DLGAP1: variants seen among roughly 807,000 people sequenced by gnomAD.
DLGAP1 encodes the protein disks large-associated protein 1.
In DLGAP1, 11 loss-of-function variants were observed where a neutral mutation model predicts 90.8. The observed-to-expected ratio is 0.12, with a 90% CI of 0.08 to 0.20. The LOEUF (loss-of-function observed/expected upper bound fraction) is 0.20, where lower values mean the gene tolerates loss of function less well. DLGAP1 is among the 10% of genes least tolerant of loss of function. The pLI, the probability that DLGAP1 is intolerant of heterozygous loss-of-function variation, is 1.00. For missense variants in DLGAP1, 1,050 were observed against 1,333.8 expected (o/e 0.79, Z 3.31); for synonymous variants, 558 against 540.7 (o/e 1.03, Z -0.44).
chr18:4,374,229 G>T (rs1186657724), intron 1 of DLGAP1, among the ~76,000 whole-genome samples: 1 of 152,058 alleles, frequency 6.6e-6, no homozygotes, highest in Non-Finnish European at 1.5e-5. Context: ...ATGGAACAAT[G>T]CTTCCAAAAT....
At chr18:4,298,647 A>T (rs9959685) in intron 1 of DLGAP1, among the ~76,000 whole-genome samples, 32,657 of 151,804 alleles carry the variant, frequency 0.22, 3,619 homozygotes, top group African/African-American at 0.25. Flanking sequence ...AGGGGAGGGA[A>T]AGCATCGGGA....
chr18:3,792,924 CCTGCGGCA>C (rs1187354054), intron 5 of DLGAP1, among the ~76,000 whole-genome samples: 1 of 152,158 alleles, frequency 6.6e-6, no homozygotes, highest in East Asian at 1.9e-4. Flanking sequence ...TCTTCCTCCA[CCTGCGGCA>C]CTGCTGGTGT....
intron 3 of DLGAP1, among the ~76,000 whole-genome samples, chr18:3,940,642 C>T (rs967572271): frequency 6.6e-6 from 1 of 152,106 alleles, no homozygotes; most frequent in Non-Finnish European, 1.5e-5. Context: ...AAAATCAAGT[C>T]GTATAAAACT....
intron 1 of DLGAP1, among the ~76,000 whole-genome samples, chr18:4,428,058 G>A (rs2083196122): frequency 6.6e-6 from 1 of 152,186 alleles, no homozygotes; most frequent in Admixed American, 6.5e-5. Context: ...ACTTCTCTGA[G>A]TTTATTCATC....
intron 1 of DLGAP1, among the ~76,000 whole-genome samples, chr18:4,389,495 A>T (rs723074): frequency 0.042 from 6,407 of 152,292 alleles, 424 homozygotes; most frequent in African/African-American, 0.15. Flanking sequence ...AATGGCTGAC[A>T]TGGTAAATTT....
chr18:4,196,269 T>C (rs1443006068), intron 1 of DLGAP1, among the ~76,000 whole-genome samples: 1 of 152,030 alleles, frequency 6.6e-6, no homozygotes, highest in Non-Finnish European at 1.5e-5. Flanking sequence ...GGAGAAACGG[T>C]AGGTAAGAGA....
chr18:3,879,566 G>C lies in DLGAP1; in HGVS notation c.503C>G (p.Ala168Gly). 6.3e-7 allele frequency: 1 copy of C among 1,599,238 alleles called. No individual in the cohort carries two copies. Among genetic ancestry groups the C allele is most frequent in the South Asian group, 1.1e-5 (1 of 90,386 alleles). ...PSKGSVNGGK[A>G]SPDEAQAARY... ...CGCCGCCTGCGCCTCGTCAGGGCTG[G>C]CCTTGCCCCCGTTGACGCTGCCCTT... The change falls in exon 4 of 13, where the codon GCC becomes GGC. Residue 168 changes from alanine to glycine, a missense_variant. Coordinates refer to ENST00000315677, the MANE Select transcript of DLGAP1 (RefSeq NM_004746.4). This position sits in a 1 kb window ranked among gnomAD's most constrained non-coding sequence, Gnocchi z 6.6.
intron 8 of DLGAP1, among the ~76,000 whole-genome samples, chr18:3,581,364 G>T (rs1320805026): frequency 6.6e-6 from 1 of 152,118 alleles, no homozygotes; most frequent in Non-Finnish European, 1.5e-5. Flanking sequence ...ATGTCTCTGT[G>T]GGTGAGGTGG....
intron 10 of DLGAP1, among the ~76,000 whole-genome samples, chr18:3,521,620 C>T (rs541778832): frequency 1.3e-5 from 2 of 152,284 alleles, no homozygotes; most frequent in South Asian, 4.1e-4. Flanking sequence ...GAAAGCCTTA[C>T]CTCCTTTCAC....
intron 2 of DLGAP1, among the ~76,000 whole-genome samples, chr18:4,046,400 G>A (rs867101376): frequency 3.3e-4 from 51 of 152,316 alleles, no homozygotes; most frequent in African/African-American, 1.2e-3. Flanking sequence ...TCTGTTCCTG[G>A]CCTAAGAAAA....
chr18:4,158,145 A>T (rs1297925508), intron 1 of DLGAP1, among the ~76,000 whole-genome samples: 1 of 152,194 alleles, frequency 6.6e-6, no homozygotes, highest in East Asian at 1.9e-4. Context: ...CTGTTTGGGT[A>T]AGGATGACAT....
chr18:3,600,293 C>A (rs1362862937), intron 7 of DLGAP1, among the ~76,000 whole-genome samples: 3 of 151,846 alleles, frequency 2.0e-5, no homozygotes, highest in Non-Finnish European at 4.4e-5. Context: ...CTCTTGTCAC[C>A]CAGGCTGGAG....
At chr18:3,808,319 C>T (rs145701628) in intron 5 of DLGAP1, among the ~76,000 whole-genome samples, 26 of 150,878 alleles carry the variant, frequency 1.7e-4, no homozygotes, top group African/African-American at 4.9e-4. Context: ...ATAGTCAGGT[C>T]GCGTTTCTTA....
rs371726548 is a variant in DLGAP1 at position 3,667,460 on chromosome 18, C to T, written c.1591+61675G>A. Among the ~76,000 whole-genome samples, 4 of 152,144 alleles carry T rather than the reference C, an allele frequency of 2.6e-5. No individual in the cohort carries two copies. The South Asian group carries it at 6.2e-4, about 24-fold the overall frequency. On this transcript the variant is annotated intron_variant, in intron 7 of 12. Transcript: ENST00000315677. ...TAATAGTAGCATATACCATCTAGTA[C>T]CTAGTAAACACCCTTTAAGTGTTTG...
intron 7 of DLGAP1, among the ~76,000 whole-genome samples, chr18:3,713,159 C>G (rs1236142819): frequency 6.6e-6 from 1 of 152,218 alleles, no homozygotes; most frequent in East Asian, 1.9e-4. Context: ...GACTCAGGAC[C>G]ATTCTACCGT....
At chr18:4,282,453 T>C (rs2079577355) in intron 1 of DLGAP1, among the ~76,000 whole-genome samples, 21 of 151,790 alleles carry the variant, frequency 1.4e-4, no homozygotes, top group Admixed American at 1.4e-3. Context: ...GATAAGGTGC[T>C]GGATAATAAC....
intron 3 of DLGAP1, among the ~76,000 whole-genome samples, chr18:3,909,793 CCTTT>C (rs762405551): frequency 1.3e-5 from 2 of 152,268 alleles, no homozygotes; most frequent in Non-Finnish European, 2.9e-5. Flanking sequence ...ATGAACTTCA[CCTTT>C]CTATTTACCT....
At chr18:4,020,248 A>C (rs2149110823) in intron 2 of DLGAP1, among the ~76,000 whole-genome samples, 1 of 152,340 alleles carries the variant, frequency 6.6e-6, no homozygotes, top group Admixed American at 6.5e-5. Context: ...GGCCTGAACC[A>C]GTCTTTCAGG....
chr18:3,672,615 T>C (rs532703319), intron 7 of DLGAP1, among the ~76,000 whole-genome samples: 12 of 103,784 alleles, frequency 1.2e-4, no homozygotes, highest in Middle Eastern at 5.3e-3. Context: ...AAAAAGTTAA[T>C]GAGAAACAGG....
Sources: allele counts gnomAD v4.1 joint callset (sites outside exome capture counted in the v4.1 genomes callset), GRCh38; gene constraint gnomAD v4.1.1; non-coding constraint Gnocchi (gnomAD v3.1); transcripts MANE v1.5; gene names NCBI Gene and HGNC (gene_info 2026-07-23, HGNC 2026-07-21).